The following PHKB variants were observed in gnomAD, a reference collection of about 807,000 sequenced individuals.
The protein encoded by PHKB is phosphorylase kinase regulatory subunit beta.
PHKB carries 122 observed loss-of-function variants against 152.1 expected under a neutral mutation model. That is an observed-to-expected ratio of 0.80 (90% CI 0.69 to 0.93). PHKB has a LOEUF of 0.93. Ranked by LOEUF, PHKB falls within the 40% of genes least tolerant of loss-of-function variation. The pLI is 0.00. For synonymous variants in PHKB, 436 were observed against 464.9 expected (o/e 0.94, Z 0.80); for missense variants, 1,304 against 1,328.4 (o/e 0.98, Z 0.29).
chr16:47,692,613 C>CAAAT (rs71287505), intron 27 of PHKB, among the ~76,000 whole-genome samples: 7,973 of 150,792 alleles, frequency 0.053, 239 homozygotes, highest in Middle Eastern at 0.099. Context: ...AAGACCCTGT[C>CAAAT]AAATAAATAA....
intron 1 of PHKB, among the ~76,000 whole-genome samples, chr16:47,469,476 A>G (rs1969726424): frequency 6.6e-6 from 1 of 152,214 alleles, no homozygotes; most frequent in Admixed American, 6.5e-5. Context: ...GGAGGCCATT[A>G]TCCTAAGTGA....
In PHKB at chr16:47,499,876, C is replaced by G. The variant is rs776773729; in HGVS notation, c.287C>G (p.Ala96Gly). 5 of 1,614,118 alleles carry G rather than the reference C, an allele frequency of 3.1e-6. No individual in the cohort carries two copies. The highest frequency in any genetic ancestry group is 4.5e-5 in the East Asian group (2 of 44,874). ...DSLYCAAGAW[A>G]LALAYRRIDD... ...CTATACTGCGCTGCTGGGGCCTGGG[C>G]TTTGGCTCTTGCATACAGGTGAGCT... is the stretch of plus-strand genomic sequence containing the variant. Residue 96 changes from alanine to glycine, a missense_variant, in exon 3 of 31, where the codon GCT becomes GGT. Ala to Gly is a moderately conservative substitution (Grantham distance 60). Coordinates refer to ENST00000323584, the MANE Select transcript of PHKB (RefSeq NM_000293.3).
At position 47,699,396 on chromosome 16, in the gene PHKB, C is replaced by T; in HGVS notation, c.*30C>T. On this transcript the variant is annotated 3_prime_UTR_variant, in exon 31 of 31. Transcript: ENST00000323584. ...GAAGGTGTAGGAAGCTCTGTTGAGACACATGTTCTGAAGTGTGTTGTGTTT... is the reference window on the plus strand; with the variant it reads ...GAAGGTGTAGGAAGCTCTGTTGAGATACATGTTCTGAAGTGTGTTGTGTTT... 6.2e-7 allele frequency: 1 copy of T among 1,612,540 alleles called. No individual in the cohort carries two copies. Among genetic ancestry groups the T allele is most frequent in the South Asian group, 1.1e-5 (1 of 91,058 alleles).
intron 6 of PHKB, among the ~76,000 whole-genome samples, chr16:47,546,559 G>A (rs1438403728): frequency 6.6e-6 from 1 of 152,178 alleles, no homozygotes; most frequent in African/African-American, 2.4e-5. Context: ...GCTACATGGG[G>A]GTCAGGGACC....
intron 7 of PHKB, among the ~76,000 whole-genome samples, chr16:47,573,706 C>A (rs1050792098): frequency 3.3e-5 from 5 of 152,174 alleles, no homozygotes; most frequent in African/African-American, 1.2e-4. Context: ...CAGCACCTGC[C>A]TCTGTGGCAA....
intron 6 of PHKB, among the ~76,000 whole-genome samples, chr16:47,539,535 A>G (rs1971013950): frequency 1.3e-5 from 2 of 152,140 alleles, no homozygotes; most frequent in Non-Finnish European, 2.9e-5. Context: ...TATCTATTGG[A>G]TACATTCCAT....
At chr16:47,492,369 T>G (rs149241372) in intron 1 of PHKB, among the ~76,000 whole-genome samples, 2 of 152,276 alleles carry the variant, frequency 1.3e-5, no homozygotes, top group African/African-American at 4.8e-5. Context: ...CTAGTTAAAA[T>G]GTCTTCTAAA....
intron 22 of PHKB, 99 bp downstream of exon 22, chr16:47,660,918 A>T: frequency 8.1e-7 from 1 of 1,235,816 alleles, no homozygotes; most frequent in East Asian, 2.3e-5. Context: ...CAGTGAAGGT[A>T]GCAATTAATC....
intron 7 of PHKB, among the ~76,000 whole-genome samples, chr16:47,552,636 T>G (rs1378471282): frequency 6.6e-6 from 1 of 151,992 alleles, no homozygotes; most frequent in East Asian, 1.9e-4. Context: ...TGGTGATACC[T>G]TGTCTCTACT....
chr16:47,681,260 G>A (rs1321921825), intron 26 of PHKB, among the ~76,000 whole-genome samples: 1 of 151,692 alleles, frequency 6.6e-6, no homozygotes, highest in Non-Finnish European at 1.5e-5. Context: ...ATTTGGGGTG[G>A]AGAGTTCTGT....
chr16:47,515,501 AATGTT>A lies in PHKB; in HGVS notation c.514-19_514-15del, dbSNP rs1970579871. ...TTTTGGTTGTTTCCTTTAACCTTTT[AATGTT>A]TCTGTTTGTTGCAGATAAATGCAGT... On this transcript the variant is annotated splice_polypyrimidine_tract_variant and intron_variant, in intron 5 of 30. Transcript: ENST00000323584. 8.7e-7 allele frequency: 1 copy of A among 1,144,236 alleles called. No individual in the cohort carries two copies. 70.9% of individuals were successfully genotyped at this position (1,144,236 alleles called of 1,614,324 possible).
intron 7 of PHKB, among the ~76,000 whole-genome samples, chr16:47,573,296 G>C (rs1363091017): frequency 1.3e-5 from 2 of 152,182 alleles, no homozygotes; most frequent in Admixed American, 1.3e-4. Context: ...TAAAGTCCCT[G>C]TCTGTGGTGT....
At chr16:47,544,119 C>T (rs1971113898) in intron 6 of PHKB, among the ~76,000 whole-genome samples, 1 of 151,902 alleles carries the variant, frequency 6.6e-6, no homozygotes, top group Non-Finnish European at 1.5e-5. Context: ...TTATTTATTG[C>T]CTTCTCCTAG....
chr16:47,463,892 G>A, intron 1 of PHKB: 1 of 1,609,988 alleles, frequency 6.2e-7, no homozygotes, highest in Non-Finnish European at 8.5e-7. Flanking sequence ...TTTTAAAATT[G>A]CTATAGCTTA....
At chr16:47,556,186 TC>T (rs1411890899) in intron 7 of PHKB, among the ~76,000 whole-genome samples, 8 of 152,244 alleles carry the variant, frequency 5.3e-5, no homozygotes, top group African/African-American at 1.9e-4. Context: ...AATGGAGTTT[TC>T]TAGATATACA....
rs200163244 is a variant in PHKB, at chr16:47,689,201, A to G, written c.2765+26A>G. 7.5e-5 allele frequency: 121 copies of G among 1,606,908 alleles called. 1 individual carries two copies. In the East Asian group the frequency reaches 2.3e-3, roughly 30 times the overall value. ...GTAATAAGGGCCCCTTGTTACCTAC[A>G]TGATACTCTGGATTTACAATAACAT... On this transcript the variant is annotated intron_variant, in intron 27 of 30. Coordinates refer to ENST00000323584, the MANE Select transcript of PHKB (RefSeq NM_000293.3).
At chr16:47,649,970 A>G (rs1051394562) in intron 18 of PHKB, among the ~76,000 whole-genome samples, 1 of 152,228 alleles carries the variant, frequency 6.6e-6, no homozygotes, top group African/African-American at 2.4e-5. Flanking sequence ...AGCTCCCTCT[A>G]CATTGCTAAT....
At chr16:47,478,574 T>C (rs1969910606) in intron 1 of PHKB, among the ~76,000 whole-genome samples, 1 of 151,724 alleles carries the variant, frequency 6.6e-6, no homozygotes, top group Non-Finnish European at 1.5e-5. Flanking sequence ...TTGGTTAAGT[T>C]ACTAAACCCC....
At chr16:47,516,113 A>T (rs1458390582) in intron 6 of PHKB, among the ~76,000 whole-genome samples, 2 of 152,002 alleles carry the variant, frequency 1.3e-5, no homozygotes, top group Admixed American at 1.3e-4. Flanking sequence ...ATTTTAGTAG[A>T]GACGGGGTTT....
Sources: gnomAD v4.1 joint callset for allele counts (sites outside exome capture counted in the v4.1 genomes callset) on GRCh38, gnomAD v4.1.1 for gene constraint, MANE v1.5 for transcripts, NCBI Gene and HGNC (gene_info 2026-07-23, HGNC 2026-07-21) for gene names.